CPOX: variants seen among roughly 807,000 people sequenced by gnomAD.
CPOX encodes oxygen-dependent coproporphyrinogen-III oxidase, mitochondrial.
In CPOX, 24 loss-of-function variants were observed where a neutral mutation model predicts 48.9. That is an observed-to-expected ratio of 0.49 (90% CI 0.36 to 0.69). CPOX has a LOEUF of 0.69. Ranked by LOEUF, CPOX falls within the 30% of genes least tolerant of loss-of-function variation. The pLI is 0.00. For missense variants in CPOX, 549 were observed against 597.3 expected (o/e 0.92, Z 0.84); for synonymous variants, 249 against 234.6 (o/e 1.06, Z -0.56).
chr3:98,591,217 C>A, intron 1 of CPOX, 62 bp from the exon 2 acceptor site: 2 of 1,569,706 alleles, frequency 1.3e-6, no homozygotes. Context: ...GAAAGCAACA[C>A]TTGCATGAAG....
chr3:98,590,305 G>A (rs1450203578), intron 3 of CPOX, among the ~76,000 whole-genome samples: 1 of 152,194 alleles, frequency 6.6e-6, no homozygotes, highest in African/African-American at 2.4e-5. Flanking sequence ...GTGCCAGCAC[G>A]CCCAGCTAAG....
downstream of CPOX, among the ~76,000 whole-genome samples, chr3:98,577,213 T>C (rs1041841716): frequency 6.6e-6 from 1 of 151,898 alleles, no homozygotes; most frequent in African/African-American, 2.4e-5. Flanking sequence ...CACAGAGAAA[T>C]GTAGAAGATA....
chr3:98,593,475 C>A lies in CPOX; in HGVS notation c.30G>T (p.Ser10=), dbSNP rs896482725. 1.1e-5 allele frequency: 17 copies of A among 1,514,204 alleles called. No homozygotes were observed. The highest frequency in any genetic ancestry group is 1.5e-5 in the Non-Finnish European group (17 of 1,137,906). The allele number at this position is 1,514,204 out of a possible 1,614,324, so 93.8% of individuals were successfully genotyped here. Residue 10 remains serine (S), a synonymous_variant, in exon 1 of 7, where the codon TCG becomes TCT. Coordinates refer to ENST00000647941, the MANE Select transcript of CPOX (RefSeq NM_000097.7). ...CCCGCGCCACGAGCCAGCAGGGGCC[C>A]GAGCTCAGCCTGCCCAGCTGCAAGG... is the stretch of plus-strand genomic sequence containing the variant. MALQLGRLS[S]GPCWLVARGG...
Position 98,593,110 on chromosome 3 carries a change from G to T in CPOX, c.395C>A (p.Ala132Asp). The change falls in exon 1 of 7, where the codon GCC (alanine) becomes GAC (aspartate). Residue 132 changes from alanine (A) to aspartate (D), a missense_variant. By Grantham distance (126) the Ala-to-Asp change is moderately radical. Transcript: ENST00000647941. ...CTCGCCCAGGTCGGTCACAGGCGGG[G>T]CCATGAAGCTGCTGCAGCGGTGGGC... ...ELAHRCSSFMAPPVTDLGELR... is the reference protein window; with the variant it reads ...ELAHRCSSFMDPPVTDLGELR... The T allele has an allele frequency of 6.2e-7, 1 of 1,613,498 alleles. No individual in the cohort carries two copies. Among genetic ancestry groups the T allele is most frequent in the South Asian group, 1.1e-5 (1 of 91,020 alleles).
At chr3:98,584,481 C>A (rs1707320465) in intron 5 of CPOX, among the ~76,000 whole-genome samples, 2 of 152,184 alleles carry the variant, frequency 1.3e-5, no homozygotes, top group Non-Finnish European at 2.9e-5. Context: ...ATAGCACAGG[C>A]AGTCATAAGA....
intron 3 of CPOX, among the ~76,000 whole-genome samples, chr3:98,590,071 A>G (rs4558798): frequency 0.73 from 111,026 of 152,284 alleles, 40,812 homozygotes; most frequent in African/African-American, 0.83. Context: ...GGTGCACACT[A>G]AAGTTCAGGT....
chr3:98,579,943 G>A lies in CPOX; in HGVS notation c.*740C>T, dbSNP rs1372036400. 2.0e-6 allele frequency: 2 copies of A among 985,492 alleles called. No homozygotes were observed. The highest frequency in any genetic ancestry group is 1.7e-5 in the African/African-American group (1 of 57,174). The allele number at this position is 985,492 out of a possible 1,614,324, so 61.0% of individuals were successfully genotyped here. A position where few individuals can be genotyped will look rare whatever the true frequency, so the allele number is the denominator to read the frequency against. On this transcript the variant is annotated 3_prime_UTR_variant, in exon 7 of 7. Transcript: ENST00000647941. ...AAAACTCTTAAGTATCAGAATTCAG[G>A]GATATAAGCTTTCACATTCAAAAGT...
chr3:98,579,567 A>G lies in CPOX; in HGVS notation c.*1116T>C. ...ACAAACATTCAACGTGTTCCACGAT[A>G]ATGATATGTATGAGATGCTCTTCCT... On this transcript the variant is annotated 3_prime_UTR_variant, in exon 7 of 7. Coordinates refer to ENST00000647941, the MANE Select transcript of CPOX (RefSeq NM_000097.7). 1.0e-6 allele frequency: 1 copy of G among 985,462 alleles called. No homozygotes were observed. Among genetic ancestry groups the G allele is most frequent in the Non-Finnish European group, 1.2e-6 (1 of 829,904 alleles). 61.0% of individuals were successfully genotyped at this position (985,462 alleles called of 1,614,324 possible).
intron 4 of CPOX, chr3:98,585,867 T>C (rs2107120747): frequency 1.8e-6 from 1 of 570,256 alleles, no homozygotes; most frequent in East Asian, 3.2e-5. Context: ...TATCCTCTTT[T>C]TCTTTTCTTT....
At chr3:98,587,610 C>T (rs1051507845) in intron 4 of CPOX, among the ~76,000 whole-genome samples, 2 of 150,992 alleles carry the variant, frequency 1.3e-5, no homozygotes, top group Admixed American at 6.6e-5. Flanking sequence ...ATGAATTTAA[C>T]CCATTAATGC....
chr3:98,575,493 A>T (rs1707148591), downstream of CPOX, among the ~76,000 whole-genome samples: 2 of 152,250 alleles, frequency 1.3e-5, no homozygotes, highest in Non-Finnish European at 2.9e-5. Flanking sequence ...GTGAATATCC[A>T]GTATAAAACC....
In CPOX at chr3:98,593,266, G is replaced by T. The variant is rs1231132707; in HGVS notation, c.239C>A (p.Ala80Glu). The T allele has an allele frequency of 1.3e-6, 2 of 1,508,676 alleles. No homozygotes were observed. Among genetic ancestry groups the T allele is most frequent in the African/African-American group, 2.8e-5 (2 of 72,536 alleles). 93.5% of individuals were successfully genotyped at this position (1,508,676 alleles called of 1,614,324 possible). The stretch of plus-strand genomic sequence containing the variant: ...CAGCCCCACCAACCCCGCCAGCGCC[G>T]CGGCCAGCCCTGTCCCCACCCAGGG... ...GGPWVGTGLAAALAGLVGLAT... is the reference protein window; with the variant it reads ...GGPWVGTGLAEALAGLVGLAT... The change falls in exon 1 of 7, where the codon GCG becomes GAG. Residue 80 changes from alanine (A) to glutamate (E), a missense_variant. Ala to Glu is a moderately radical substitution (Grantham distance 107). Transcript: ENST00000647941.
the CPOX span, among the ~76,000 whole-genome samples, chr3:98,571,232 T>C: frequency 8.3e-4 from 127 of 152,350 alleles, no homozygotes; most frequent in Admixed American, 1.6e-3. Context: ...TAATACAATA[T>C]TGAATAATAG....
rs1188760982 is a variant in CPOX, at chr3:98,579,873, G to A, written c.*810C>T. The A allele has an allele frequency of 2.0e-6, 2 of 984,882 alleles. No homozygotes were observed. The highest frequency in any genetic ancestry group is 1.7e-5 in the African/African-American group (1 of 57,144). 61.0% of individuals were successfully genotyped at this position (984,882 alleles called of 1,614,324 possible). ...ATTGCCTAAATTCATGACATCCCTA[G>A]GATTATTCTTAGTCTCAACTTCCAC... is the stretch of plus-strand genomic sequence containing the variant. On this transcript the variant is annotated 3_prime_UTR_variant, in exon 7 of 7. Coordinates refer to ENST00000647941, the MANE Select transcript of CPOX (RefSeq NM_000097.7).
intron 4 of CPOX, among the ~76,000 whole-genome samples, chr3:98,586,719 C>T (rs1239526103): frequency 2.0e-5 from 3 of 151,956 alleles, no homozygotes; most frequent in African/African-American, 4.8e-5. Context: ...CCGAGGCAGG[C>T]GGATCACGAG....
rs1559676102 is a variant in CPOX at position 98,585,578 on chromosome 3, C to CGG, written c.1033_1034dup (p.Ser346ArgfsTer17). On this transcript the variant is annotated frameshift_variant, in exon 5 of 7. Transcript: ENST00000647941. LOFTEE classifies it high-confidence loss of function. ...CAAAGCGAAACACCTCCTCCTTGGA[C>CGG]GGAGAGTCAAGATCATCAAAAAAGA... 3.1e-6 allele frequency: 5 copies of CGG among 1,614,084 alleles called. No homozygotes were observed. Among genetic ancestry groups the CGG allele is most frequent in the Non-Finnish European group, 3.4e-6 (4 of 1,180,012 alleles).
chr3:98,576,072 C>CAAAAAAAAAA (rs56988806), downstream of CPOX, among the ~76,000 whole-genome samples: 9 of 71,418 alleles, frequency 1.3e-4, no homozygotes, highest in East Asian at 5.2e-4. Context: ...AACTCTGCCT[C>CAAAAAAAAAA]AAAAAAAAAA....
intron 3 of CPOX, 191 bp downstream of exon 3, chr3:98,590,441 G>A: frequency 1.6e-6 from 1 of 640,602 alleles, no homozygotes; most frequent in Non-Finnish European, 2.9e-6. Context: ...GAGCCACCAA[G>A]CCTGGCCCCA....
the CPOX span, among the ~76,000 whole-genome samples, chr3:98,572,589 C>T: frequency 6.6e-6 from 1 of 151,924 alleles, no homozygotes; most frequent in East Asian, 1.9e-4. Context: ...AGTTTAAAGT[C>T]TCTCACTTAA....
Sources: allele counts gnomAD v4.1 joint callset (sites outside exome capture counted in the v4.1 genomes callset), GRCh38; gene constraint gnomAD v4.1.1; transcripts MANE v1.5; gene names NCBI Gene and HGNC (gene_info 2026-07-23, HGNC 2026-07-21).